Variants in XRN1 observed in about 807,000 individuals in gnomAD.
The protein encoded by XRN1 is strand-exchange protein 1 homolog.
Under a neutral mutation model 222.3 loss-of-function variants are expected in XRN1, and 67 were observed. The observed-to-expected ratio is 0.30, with a 90% CI of 0.25 to 0.37. The LOEUF is 0.37. XRN1 is among the 10% of genes least tolerant of loss of function. The pLI is 1.00. For synonymous variants in XRN1, 643 were observed against 652.4 expected (o/e 0.99, Z 0.22); for missense variants, 1,707 against 2,000.2 (o/e 0.85, Z 2.80).
chr3:142,443,625 T>G (rs1450612225), intron 1 of XRN1, among the ~76,000 whole-genome samples: 1 of 152,236 alleles, frequency 6.6e-6, no homozygotes, highest in Non-Finnish European at 1.5e-5. Flanking sequence ...GTTTTCACTC[T>G]ATGTCACTCT....
At chr3:142,388,408 C>CT (rs2067589804) in intron 20 of XRN1, among the ~76,000 whole-genome samples, 1 of 152,264 alleles carries the variant, frequency 6.6e-6, no homozygotes, top group Admixed American at 6.5e-5. Context: ...GAACAGTAGG[C>CT]TTTTAGCAGT....
intron 1 of XRN1, among the ~76,000 whole-genome samples, chr3:142,434,646 T>C (rs1369914304): frequency 6.6e-6 from 1 of 152,012 alleles, no homozygotes; most frequent in Non-Finnish European, 1.5e-5. Context: ...CTGTTCTAGC[T>C]ACTTGAGAGA....
Position 142,438,288 on chromosome 3 carries a change from G to C in XRN1, c.76-5395C>G, listed in dbSNP as rs554792401. Reference sequence around the variant, plus strand: ...GGTCCGTGGGGAGTTACGCACCCTGGAAAGGAACTCACCCCTGAGCACAAA... The same window carrying C: ...GGTCCGTGGGGAGTTACGCACCCTGCAAAGGAACTCACCCCTGAGCACAAA... On this transcript the variant is annotated intron_variant, in intron 1 of 40. Coordinates refer to ENST00000392981, the MANE Select transcript of XRN1 (RefSeq NM_001282857.2). Among the ~76,000 whole-genome samples the C allele has an allele frequency of 6.0e-5, 9 of 151,222 alleles. No individual in the cohort carries two copies. The South Asian group carries it at 1.7e-3, about 28-fold the overall frequency.
chr3:142,424,506 A>T (rs1260950201), intron 5 of XRN1, among the ~76,000 whole-genome samples: 1 of 152,220 alleles, frequency 6.6e-6, no homozygotes, highest in Non-Finnish European at 1.5e-5. Flanking sequence ...AAACAAGAAA[A>T]CAAAATGAAA....
rs529306562 is a variant in XRN1 at position 142,440,063 on chromosome 3, G to A, written c.76-7170C>T. Among the ~76,000 whole-genome samples, 8 of 152,196 alleles carry A rather than the reference G, an allele frequency of 5.3e-5. 1 individual carries two copies. In the South Asian group the frequency reaches 1.7e-3, roughly 32 times the overall value. ...AGGACTGAGGGTGCCCGGGGAAAGC[G>A]CCAGCCCATGCCATCACCCTCACAG... On this transcript the variant is annotated intron_variant, in intron 1 of 40. Coordinates refer to ENST00000392981, the MANE Select transcript of XRN1 (RefSeq NM_001282857.2).
At position 142,445,104 on chromosome 3, in the gene XRN1, T is replaced by C. The variant is rs111483646; in HGVS notation, c.75+2766A>G. Among the ~76,000 whole-genome samples the C allele has an allele frequency of 5.1e-3, 781 of 152,314 alleles. 9 individuals are homozygous for C. The highest frequency in any genetic ancestry group is 0.018 in the African/African-American group (759 of 41,578). On this transcript the variant is annotated intron_variant, in intron 1 of 40. Transcript: ENST00000392981. ...CTTTTTCTTGAATCTTTTAAATCTA[T>C]TTTATTTTTTAAAATTTCATCTTTC...
intron 18 of XRN1, among the ~76,000 whole-genome samples, chr3:142,403,244 C>T (rs1437076233): frequency 1.3e-5 from 2 of 152,096 alleles, no homozygotes; most frequent in Non-Finnish European, 2.9e-5. Flanking sequence ...AAAGAAAAGA[C>T]TAAGTGTTAA....
chr3:142,343,668 A>G (rs1370146292), intron 33 of XRN1, among the ~76,000 whole-genome samples: 2 of 152,114 alleles, frequency 1.3e-5, no homozygotes, highest in Non-Finnish European at 2.9e-5. Context: ...ATGGAGAACA[A>G]TTTGGAGGTT....
chr3:142,313,765 G>A (rs1239470996), intron 39 of XRN1, among the ~76,000 whole-genome samples: 1 of 152,166 alleles, frequency 6.6e-6, no homozygotes, highest in Non-Finnish European at 1.5e-5. Flanking sequence ...GAGGCGCAGT[G>A]GCTCATGCCT....
chr3:142,391,186 G>A (rs1229623026), intron 20 of XRN1, among the ~76,000 whole-genome samples: 1 of 152,050 alleles, frequency 6.6e-6, no homozygotes, highest in Non-Finnish European at 1.5e-5. Context: ...AAATGGCACT[G>A]ATAGAGTTGC....
intron 23 of XRN1, among the ~76,000 whole-genome samples, chr3:142,377,285 C>T (rs1412838034): frequency 4.7e-5 from 7 of 148,906 alleles, no homozygotes. Flanking sequence ...TTCATGAATC[C>T]AATACTAACT....
At chr3:142,444,583 G>A (rs1303871952) in intron 1 of XRN1, among the ~76,000 whole-genome samples, 3 of 152,072 alleles carry the variant, frequency 2.0e-5, no homozygotes, top group African/African-American at 4.8e-5. Flanking sequence ...TACTCCAGCC[G>A]GGGTGACAGA....
At position 142,403,884 on chromosome 3, in the gene XRN1, T is replaced by A; in HGVS notation, c.1989A>T (p.Lys663Asn). 6.2e-7 allele frequency: 1 copy of A among 1,613,250 alleles called. No homozygotes were observed. The highest frequency in any genetic ancestry group is 1.1e-5 in the South Asian group (1 of 90,932). The stretch of plus-strand genomic sequence containing the variant: ...AGCCACTGACTTTGTGTCTGATGTG[T>A]TTCAGAGTAGGAAATCCACAGAAAT... ...ALYFCGFPTL[K>N]HIRHKFFLKK... Residue 663 changes from lysine (K) to asparagine (N), a missense_variant, in exon 17 of 41, where the codon AAA (lysine) becomes AAT (asparagine). Around this residue, in one of 2 missense-constraint regions of XRN1, gnomAD observed 1,234 missense variants for 1,518.2 expected, o/e 0.81. Transcript: ENST00000392981.
intron 34 of XRN1, 135 bp downstream of exon 34, chr3:142,335,313 C>A (rs761072333): frequency 1.4e-5 from 11 of 766,454 alleles, no homozygotes; most frequent in Non-Finnish European, 2.2e-5. Context: ...TGACTGTCAG[C>A]TTAACTTCAG....
At chr3:142,380,326 T>C in intron 22 of XRN1, 146 bp from the exon 23 acceptor site, 1 of 654,458 alleles carries the variant, frequency 1.5e-6, no homozygotes. Context: ...ATGAAAATAC[T>C]GTAAATTTGA....
intron 27 of XRN1, among the ~76,000 whole-genome samples, chr3:142,367,243 C>A (rs1317440424): frequency 6.6e-6 from 1 of 151,848 alleles, no homozygotes; most frequent in Non-Finnish European, 1.5e-5. Context: ...GTCGAGATTG[C>A]ACCACTGCAC....
intron 39 of XRN1, among the ~76,000 whole-genome samples, chr3:142,318,126 A>T (rs566397382): frequency 2.0e-5 from 3 of 152,312 alleles, no homozygotes; most frequent in Admixed American, 2.0e-4. Flanking sequence ...ACTTAAATAA[A>T]TTATTGGCTT....
At chr3:142,435,832 G>C (rs1326545407) in intron 1 of XRN1, 2 of 149,650 alleles carry the variant, frequency 1.3e-5, no homozygotes, top group African/African-American at 5.0e-5. Context: ...GGGAGGCCAA[G>C]GCGGGTGGAT....
At chr3:142,434,316 CAT>C (rs1234021200) in intron 1 of XRN1, among the ~76,000 whole-genome samples, 2 of 151,766 alleles carry the variant, frequency 1.3e-5, no homozygotes, top group East Asian at 1.9e-4. Flanking sequence ...GTGATAATTT[CAT>C]ATCTTTTTCA....
Sources: gnomAD v4.1 joint callset for allele counts (sites outside exome capture counted in the v4.1 genomes callset) on GRCh38, gnomAD v4.1.1 for gene constraint, gnomAD v4.1.1 regional missense constraint, MANE v1.5 for transcripts, NCBI Gene and HGNC (gene_info 2026-07-23, HGNC 2026-07-21) for gene names.